SCN2A: variants seen among roughly 807,000 people sequenced by gnomAD.
SCN2A encodes sodium channel protein type 2 subunit alpha.
In SCN2A, 20 loss-of-function variants were observed where a neutral mutation model predicts 188.7. The ratio of observed to expected loss-of-function variants is 0.11; its 90% CI spans 0.07 to 0.15. The LOEUF (loss-of-function observed/expected upper bound fraction) is 0.15, where lower values mean the gene tolerates loss of function less well. Among genes scored for constraint, SCN2A ranks in the 10% least tolerant of loss-of-function variants. SCN2A has a pLI of 1.00. For synonymous variants in SCN2A, 804 were observed against 833.1 expected (o/e 0.97, Z 0.60); for missense variants, 1,278 against 2,445.0 (o/e 0.52, Z 10.07).
At chr2:165,239,718 G>C (rs1455049497) in intron 1 of SCN2A, 78 bp downstream of exon 1, 1 of 645,492 alleles carries the variant, frequency 1.5e-6, no homozygotes, top group South Asian at 7.0e-5. Flanking sequence ...TATAAGATGT[G>C]TGCTTTGTTA....
intron 5 of SCN2A, 126 bp downstream of exon 5, chr2:165,308,920 A>T (rs905172363): frequency 3.1e-6 from 4 of 1,299,352 alleles, no homozygotes; most frequent in Non-Finnish European, 4.3e-6. Context: ...GTTTTCTTCC[A>T]ATCAAATTAT....
intron 11 of SCN2A, among the ~76,000 whole-genome samples, chr2:165,321,612 A>G (rs1196829167): frequency 2.6e-5 from 4 of 151,466 alleles, no homozygotes. Context: ...CACATCTTAC[A>G]TGGATGGTGT....
At chr2:165,353,601 G>C (rs1700040175) in intron 16 of SCN2A, among the ~76,000 whole-genome samples, 1 of 152,284 alleles carries the variant, frequency 6.6e-6, no homozygotes, top group South Asian at 2.1e-4. Context: ...TTCTGGTGAA[G>C]TCTCAAAGAG....
At chr2:165,278,225 A>G (rs1331559951) in intron 1 of SCN2A, among the ~76,000 whole-genome samples, 1 of 152,218 alleles carries the variant, frequency 6.6e-6, no homozygotes, top group Non-Finnish European at 1.5e-5. Flanking sequence ...TGTGTGTACC[A>G]TAAGACACTG....
At chr2:165,365,395 A>T (rs1700673276) in intron 18 of SCN2A, 132 bp downstream of exon 18, 1 of 1,034,064 alleles carries the variant, frequency 9.7e-7, no homozygotes, top group Non-Finnish European at 1.5e-6. Context: ...CTATCTATCT[A>T]TCTAGTAATC....
Position 165,350,464 on chromosome 2 carries a change from C to CTTT in SCN2A, c.2920-3704_2920-3702dup, listed in dbSNP as rs71028479. Among the ~76,000 whole-genome samples the CTTT allele has an allele frequency of 1.5e-4, 11 of 73,840 alleles. 1 individual carries two copies. Among genetic ancestry groups the CTTT allele is most frequent in the Non-Finnish European group, 2.2e-4 (9 of 40,326 alleles). 48.4% of individuals were successfully genotyped at this position (73,840 alleles called of 152,430 possible). ...GTGAGCTTGCTGAACTGTTTTCTTT[C>CTTT]TTTTTTTTTTTTTTTTTTTTTTTTT... On this transcript the variant is annotated intron_variant, in intron 16 of 26. Transcript: ENST00000375437.
intron 25 of SCN2A, 55 bp from the exon 26 acceptor site, chr2:165,386,691 G>A (rs1028418798): frequency 6.5e-7 from 1 of 1,540,704 alleles, no homozygotes; most frequent in African/African-American, 1.4e-5. Flanking sequence ...CAGAAGAATT[G>A]AATTCGATTT....
chr2:165,264,600 C>T (rs1214417887), intron 1 of SCN2A, among the ~76,000 whole-genome samples: 3 of 151,990 alleles, frequency 2.0e-5, no homozygotes, highest in African/African-American at 4.8e-5. Context: ...TTTTCCTGAC[C>T]CTCTCCTCCT....
chr2:165,375,795 G>GTA (rs1191961581), intron 22 of SCN2A, among the ~76,000 whole-genome samples: 3 of 151,104 alleles, frequency 2.0e-5, no homozygotes, highest in Non-Finnish European at 4.4e-5. Context: ...CTTATTGGAT[G>GTA]TATATATATG....
rs1292645984 is a variant in SCN2A, at chr2:165,344,623, T to C, written c.2631T>C (p.Ser877=). Residue 877 remains serine, a synonymous_variant, in exon 16 of 27, where the codon TCT becomes TCC. Coordinates refer to ENST00000375437, the MANE Select transcript of SCN2A (RefSeq NM_001040142.2). ...LNMLIKIIGN[S]VGALGNLTLV... is the part of the protein sequence containing the mutation. ...TGCTAATTAAGATCATTGGCAATTCTGTGGGGGCTCTAGGAAACCTCACCT... is the reference window on the plus strand; with the variant it reads ...TGCTAATTAAGATCATTGGCAATTCCGTGGGGGCTCTAGGAAACCTCACCT... 2.5e-6 allele frequency: 4 copies of C among 1,614,064 alleles called. No individual in the cohort carries two copies. The highest frequency in any genetic ancestry group is 3.4e-6 in the Non-Finnish European group (4 of 1,180,036).
chr2:165,302,319 T>C (rs906819403), intron 3 of SCN2A, among the ~76,000 whole-genome samples: 8 of 152,226 alleles, frequency 5.3e-5, no homozygotes, highest in Non-Finnish European at 1.0e-4. Context: ...ATTTTTCTGC[T>C]GGCTCAGAAA....
At chr2:165,252,098 G>A (rs971750722) in intron 1 of SCN2A, among the ~76,000 whole-genome samples, 2 of 151,898 alleles carry the variant, frequency 1.3e-5, no homozygotes, top group Non-Finnish European at 2.9e-5. Flanking sequence ...TATTGTTGGT[G>A]TCTGTATAAA....
intron 14 of SCN2A, among the ~76,000 whole-genome samples, chr2:165,336,523 T>C (rs973560329): frequency 2.0e-5 from 3 of 151,946 alleles, no homozygotes; most frequent in Non-Finnish European, 2.9e-5. Flanking sequence ...GAAATGTTCA[T>C]AACAGGCAAA....
chr2:165,378,360 C>A (rs1701423086), intron 23 of SCN2A, among the ~76,000 whole-genome samples: 2 of 149,016 alleles, frequency 1.3e-5, no homozygotes, highest in Admixed American at 6.8e-5. Context: ...TTCATAAAAA[C>A]AGAGAGGGAG....
intron 1 of SCN2A, among the ~76,000 whole-genome samples, chr2:165,291,828 G>A (rs554165147): frequency 7.2e-5 from 11 of 151,842 alleles, no homozygotes; most frequent in South Asian, 2.1e-4. Flanking sequence ...GGACTCTTCC[G>A]TGTTTCAAGG....
Position 165,391,120 on chromosome 2 carries a change from TC to T in SCN2A, c.*1298del, listed in dbSNP as rs1455018178. On this transcript the variant is annotated 3_prime_UTR_variant, in exon 27 of 27. Coordinates refer to ENST00000375437, the MANE Select transcript of SCN2A (RefSeq NM_001040142.2). Reference sequence around the variant, plus strand: ...TCTTGCCTATGCTGCTGTATCTTATTCCTTCCACTGTTCAGAAGTCTAATAT... The same window carrying T: ...TCTTGCCTATGCTGCTGTATCTTATTCTTCCACTGTTCAGAAGTCTAATAT... The T allele has an allele frequency of 1.3e-5, 2 of 152,586 alleles. No homozygotes were observed. The highest frequency in any genetic ancestry group is 4.8e-5 in the African/African-American group (2 of 41,456). The allele number at this position is 152,586 out of a possible 1,614,324, so 9.5% of individuals were successfully genotyped here. A position where few individuals can be genotyped will look rare whatever the true frequency, so the allele number is the denominator to read the frequency against.
intron 11 of SCN2A, among the ~76,000 whole-genome samples, chr2:165,320,077 G>C (rs1697991922): frequency 1.3e-5 from 2 of 152,202 alleles, no homozygotes. Flanking sequence ...TTACTTCCTA[G>C]ATACAATAGG....
At chr2:165,336,673 A>G (rs1699012546) in intron 14 of SCN2A, among the ~76,000 whole-genome samples, 2 of 152,076 alleles carry the variant, frequency 1.3e-5, no homozygotes, top group African/African-American at 2.4e-5. Flanking sequence ...TGATGATTTT[A>G]CAAGTCTGTG....
At chr2:165,359,304 A>C (rs1044133584) in intron 17 of SCN2A, among the ~76,000 whole-genome samples, 1 of 152,132 alleles carries the variant, frequency 6.6e-6, no homozygotes, top group Non-Finnish European at 1.5e-5. Flanking sequence ...TCAGAAAAGC[A>C]TGAGATTTAG....
Sources: gnomAD v4.1 joint callset for allele counts (sites outside exome capture counted in the v4.1 genomes callset) on GRCh38, gnomAD v4.1.1 for gene constraint, MANE v1.5 for transcripts, NCBI Gene and HGNC (gene_info 2026-07-23, HGNC 2026-07-21) for gene names.